KIF15: variants seen among roughly 807,000 people sequenced by gnomAD.
KIF15 encodes kinesin-like protein KIF15.
KIF15 carries 140 observed loss-of-function variants against 190.6 expected under a neutral mutation model. The ratio of observed to expected loss-of-function variants is 0.73; its 90% CI spans 0.64 to 0.84. The LOEUF is 0.84. KIF15 is among the 40% of genes least tolerant of loss of function. The probability of loss-of-function intolerance (pLI) is 0.00; values close to 1 mark genes in which losing one functional copy is unlikely to be tolerated. For synonymous variants in KIF15, 528 were observed against 551.3 expected, an observed-to-expected ratio of 0.96 and a Z score of 0.59; for missense variants, 1,372 against 1,584.4, an observed-to-expected ratio of 0.87 and a Z score of 2.28.
intron 1 of KIF15, among the ~76,000 whole-genome samples, chr3:44,766,155 A>C (rs1402529356): frequency 6.6e-6 from 1 of 152,136 alleles, no homozygotes; most frequent in Non-Finnish European, 1.5e-5. Flanking sequence ...GAACTTCTCT[A>C]TGCTTTGTTG....
At position 44,807,922 on chromosome 3, in the gene KIF15, TTTTA is replaced by T. The variant is rs754515937; in HGVS notation, c.1971+1948_1971+1951del. On this transcript the variant is annotated intron_variant, in intron 16 of 34. Transcript: ENST00000326047. ...AAAATTATTTTTAAATTTTGATTTATTTTATTTATTTATTTTTGGTTTTGTTTTT... is the reference window on the plus strand; with the variant it reads ...AAAATTATTTTTAAATTTTGATTTATTTTATTTATTTTTGGTTTTGTTTTT... Among the ~76,000 whole-genome samples, 12 of 152,146 alleles carry T rather than the reference TTTTA, an allele frequency of 7.9e-5. No homozygotes were observed. The South Asian group carries it at 1.0e-3, about 13-fold the overall frequency.
At chr3:44,764,526 T>C (rs1406067651) in intron 1 of KIF15, among the ~76,000 whole-genome samples, 3 of 152,230 alleles carry the variant, frequency 2.0e-5, no homozygotes, top group Non-Finnish European at 2.9e-5. Context: ...TTTATTATAG[T>C]TAGGGCTGTT....
chr3:44,781,421 GTATAA>G (rs1706158865), intron 5 of KIF15, among the ~76,000 whole-genome samples: 1 of 152,122 alleles, frequency 6.6e-6, no homozygotes, highest in South Asian at 2.1e-4. Flanking sequence ...TTCCATTACT[GTATAA>G]TATATTATCG....
chr3:44,814,663 G>A (rs1344130589), intron 19 of KIF15, among the ~76,000 whole-genome samples: 1 of 152,164 alleles, frequency 6.6e-6, no homozygotes, highest in Non-Finnish European at 1.5e-5. Context: ...GCAAAGTCAA[G>A]TGACCTGTAA....
In KIF15 at chr3:44,848,512, T is replaced by G. The variant is rs772934137; in HGVS notation, c.3769-9T>G. 1 of 1,093,472 alleles carries G rather than the reference T, an allele frequency of 9.1e-7. No individual in the cohort carries two copies. The highest frequency in any genetic ancestry group is 1.3e-6 in the Non-Finnish European group (1 of 743,158). The allele number at this position is 1,093,472 out of a possible 1,614,324, so 67.7% of individuals were successfully genotyped here. Reference sequence around the variant, plus strand: ...ATCTTTTTATTTTCTTTTTTTAATCTTCTTATAGAGTAAAATAGTTGAAGA... The same window carrying G: ...ATCTTTTTATTTTCTTTTTTTAATCGTCTTATAGAGTAAAATAGTTGAAGA... On this transcript the variant is annotated splice_polypyrimidine_tract_variant and intron_variant, in intron 31 of 34. Coordinates refer to ENST00000326047, the MANE Select transcript of KIF15 (RefSeq NM_020242.3).
In KIF15 at chr3:44,808,487, C is replaced by G. The variant is rs1239131790; in HGVS notation, c.1972-2359C>G. Among the ~76,000 whole-genome samples the G allele has an allele frequency of 2.6e-5, 4 of 152,116 alleles. No individual in the cohort carries two copies. In the East Asian group the frequency reaches 7.7e-4, roughly 29 times the overall value. The stretch of plus-strand genomic sequence containing the variant: ...GATCTAATATAATCCTTTGTCCCCA[C>G]AATCCCTGGAGGTAGTTTAATCCTT... On this transcript the variant is annotated intron_variant, in intron 16 of 34. Coordinates refer to ENST00000326047, the MANE Select transcript of KIF15 (RefSeq NM_020242.3).
chr3:44,807,158 T>C (rs1707543047), intron 16 of KIF15, among the ~76,000 whole-genome samples: 1 of 152,244 alleles, frequency 6.6e-6, no homozygotes, highest in African/African-American at 2.4e-5. Flanking sequence ...TGGTGCTTTT[T>C]GTGTCACTTA....
At chr3:44,859,547 C>T (rs904021111) in intron 6 of KIF15, among the ~76,000 whole-genome samples, 17 of 152,146 alleles carry the variant, frequency 1.1e-4, no homozygotes, top group African/African-American at 4.1e-4. Context: ...ATAGTCCCTG[C>T]TACTCAGGAA....
intron 20 of KIF15, among the ~76,000 whole-genome samples, chr3:44,815,727 T>C (rs1708004890): frequency 6.6e-6 from 1 of 152,250 alleles, no homozygotes; most frequent in African/African-American, 2.4e-5. Flanking sequence ...TTCTTTGTTA[T>C]TTACTGTTTC....
chr3:44,827,053 A>G (rs1397998030), intron 22 of KIF15: 2 of 456,564 alleles, frequency 4.4e-6, no homozygotes, highest in Admixed American at 2.4e-5. Context: ...CAAGCAATTG[A>G]CATTTACTCA....
intron 24 of KIF15, 34 bp downstream of exon 24, chr3:44,828,334 A>G (rs374322477): frequency 7.8e-5 from 113 of 1,445,710 alleles, no homozygotes; most frequent in Admixed American, 1.7e-5. Context: ...CTCTCTGTGC[A>G]TTTTCTTATA....
chr3:44,852,094 G>C (rs1699081608), intron 33 of KIF15, 114 bp from the exon 34 acceptor site: 4 of 1,440,240 alleles, frequency 2.8e-6, no homozygotes, highest in Non-Finnish European at 3.8e-6. Context: ...CTTGAAAGCT[G>C]GGATTCTGGA....
At position 44,862,012 on chromosome 3, in the gene KIF15, G is replaced by T. The variant is rs747230634; in HGVS notation, c.*59+9218G>T. On this transcript the variant is annotated intron_variant and NMD_transcript_variant, in intron 6 of 6. Transcript: ENST00000422209. ...CGCGGAATTCCCTCCGCACCTCCAGGCGGGTGCGATGCGGCGCCGCTTTTG... is the reference window on the plus strand; with the variant it reads ...CGCGGAATTCCCTCCGCACCTCCAGTCGGGTGCGATGCGGCGCCGCTTTTG... 5 of 1,381,438 alleles carry T rather than the reference G, an allele frequency of 3.6e-6. No individual in the cohort carries two copies. In the African/African-American group the frequency reaches 6.0e-5, roughly 17 times the overall value. The allele number at this position is 1,381,438 out of a possible 1,614,324, so 85.6% of individuals were successfully genotyped here.
Position 44,848,527 on chromosome 3 carries a change from A to C in KIF15, c.3775A>C (p.Ile1259Leu). ...SIKERLAKSK[I>L]VEEMLKMKAD... ...TTTTTTAATCTTCTTATAGAGTAAA[A>C]TAGTTGAAGAAATGCTGAAAATGAA... The change falls in exon 32 of 35, where the codon ATA (isoleucine) becomes CTA (leucine). Residue 1259 changes from isoleucine to leucine, a missense_variant. By Grantham distance (5) the Ile-to-Leu change is conservative (BLOSUM62 2). Coordinates refer to ENST00000326047, the MANE Select transcript of KIF15 (RefSeq NM_020242.3). 1 of 1,165,466 alleles carries C rather than the reference A, an allele frequency of 8.6e-7. No individual in the cohort carries two copies. Among genetic ancestry groups the C allele is most frequent in the Non-Finnish European group, 1.2e-6 (1 of 802,930 alleles). The allele number at this position is 1,165,466 out of a possible 1,614,324, so 72.2% of individuals were successfully genotyped here. A position where few individuals can be genotyped will look rare whatever the true frequency, so the allele number is the denominator to read the frequency against.
intron 25 of KIF15, 23 bp from the exon 26 acceptor site, chr3:44,830,873 T>C (rs2125699396): frequency 6.2e-7 from 1 of 1,605,314 alleles, no homozygotes; most frequent in Middle Eastern, 1.7e-4. Context: ...ATGGCTCTTA[T>C]AGCATGACTT....
At chr3:44,843,607 C>G (rs1018885691) in intron 30 of KIF15, among the ~76,000 whole-genome samples, 2 of 152,144 alleles carry the variant, frequency 1.3e-5, no homozygotes, top group East Asian at 1.9e-4. Context: ...AACTCATGGT[C>G]CAGGGAAAGC....
At chr3:44,867,566 C>T (rs1575704401) in intron 6 of KIF15, among the ~76,000 whole-genome samples, 1 of 152,238 alleles carries the variant, frequency 6.6e-6, no homozygotes, top group East Asian at 1.9e-4. Flanking sequence ...CCTGGCCTCC[C>T]ATCCAGACAC....
At chr3:44,863,304 C>CCCCCCA (rs1553668740) in intron 6 of KIF15, 1 of 101,364 alleles carries the variant, frequency 9.9e-6, no homozygotes, top group African/African-American at 3.1e-5. Flanking sequence ...TTCCGCACCC[C>CCCCCCA]CCCCCCCCGC....
intron 19 of KIF15, among the ~76,000 whole-genome samples, chr3:44,813,630 G>GT (rs561892613): frequency 0.46 from 56,227 of 122,982 alleles, 13,320 homozygotes; most frequent in East Asian, 0.83. Flanking sequence ...TGTTTGTTTT[G>GT]TTTTTTTTTT....
Sources: gnomAD v4.1 joint callset for allele counts (sites outside exome capture counted in the v4.1 genomes callset) on GRCh38, gnomAD v4.1.1 for gene constraint, MANE v1.5 for transcripts, NCBI Gene and HGNC (gene_info 2026-07-23, HGNC 2026-07-21) for gene names.